The following WWOX variants were observed in gnomAD, a reference collection of about 807,000 sequenced individuals.
WWOX encodes WW domain-containing oxidoreductase.
WWOX carries 69 observed loss-of-function variants against 46.2 expected under a neutral mutation model. That is an observed-to-expected ratio of 1.49 (90% CI 1.23 to 1.82). The LOEUF is 1.82. Ranked by LOEUF, WWOX falls within the 40% of genes most tolerant of loss-of-function variation. The pLI is 0.00. For missense variants in WWOX, 919 were observed against 542.6 expected, an observed-to-expected ratio of 1.69 and a Z score of -6.89; for synonymous variants, 359 against 202.6, an observed-to-expected ratio of 1.77 and a Z score of -6.56.
intron 8 of WWOX, among the ~76,000 whole-genome samples, chr16:78,699,429 C>T (rs1263672967): frequency 2.0e-5 from 3 of 151,634 alleles, no homozygotes; most frequent in Non-Finnish European, 2.9e-5. Flanking sequence ...CTCCCAGCTA[C>T]TTGGGAGGCT....
rs895510095 is a variant in WWOX, at chr16:79,064,303, A to G, written c.1057-147305A>G. 1.6e-4 allele frequency among the ~76,000 whole-genome samples: 24 copies of G among 152,368 alleles called. No individual in the cohort carries two copies. The Middle Eastern group carries it at 0.014, about 86-fold the overall frequency. Reference sequence around the variant, plus strand: ...AAGACAACCTGGTTGAGAATTTAAGATGATGGTTTAGGGCATAGCTTGTGG... The same window carrying G: ...AAGACAACCTGGTTGAGAATTTAAGGTGATGGTTTAGGGCATAGCTTGTGG... On this transcript the variant is annotated intron_variant, in intron 8 of 8. Coordinates refer to ENST00000566780, the MANE Select transcript of WWOX (RefSeq NM_016373.4).
chr16:78,161,003 T>C (rs928024603), intron 4 of WWOX, among the ~76,000 whole-genome samples: 33 of 152,206 alleles, frequency 2.2e-4, no homozygotes, highest in Admixed American at 2.0e-3. Flanking sequence ...TCTTGGTGGA[T>C]TGAAATTTAC....
intron 8 of WWOX, among the ~76,000 whole-genome samples, chr16:79,073,872 G>C (rs1347388377): frequency 6.6e-6 from 1 of 152,104 alleles, no homozygotes; most frequent in African/African-American, 2.4e-5. Flanking sequence ...GTTCCAGGTA[G>C]TAATTTTAAA....
At chr16:78,908,077 A>G (rs1266157929) in intron 8 of WWOX, among the ~76,000 whole-genome samples, 4 of 152,218 alleles carry the variant, frequency 2.6e-5, no homozygotes, top group African/African-American at 9.6e-5. Flanking sequence ...CCCAAATTGC[A>G]GGATAACAAG....
At chr16:78,688,688 G>A (rs930938464) in intron 8 of WWOX, among the ~76,000 whole-genome samples, 1 of 152,112 alleles carries the variant, frequency 6.6e-6, no homozygotes, top group African/African-American at 2.4e-5. Context: ...TTGGGGAAGG[G>A]GCAAGGGATT....
chr16:78,790,193 G>A (rs1287297810), intron 8 of WWOX, among the ~76,000 whole-genome samples: 1 of 152,100 alleles, frequency 6.6e-6, no homozygotes, highest in Admixed American at 6.5e-5. Flanking sequence ...CTGGAGTGCA[G>A]TGGTGCGATC....
At chr16:78,500,989 C>T (rs1056763500) in intron 8 of WWOX, among the ~76,000 whole-genome samples, 1 of 152,048 alleles carries the variant, frequency 6.6e-6, no homozygotes, top group Non-Finnish European at 1.5e-5. Flanking sequence ...AAAACCCAGC[C>T]AGGGAAATAT....
At chr16:78,585,856 C>CT (rs1311790320) in intron 8 of WWOX, among the ~76,000 whole-genome samples, 2 of 151,938 alleles carry the variant, frequency 1.3e-5, no homozygotes, top group Non-Finnish European at 2.9e-5. Flanking sequence ...CTTCTGGAAT[C>CT]TTTTATTGTC....
chr16:79,136,792 C>T (rs2049989623), intron 8 of WWOX, among the ~76,000 whole-genome samples: 1 of 152,172 alleles, frequency 6.6e-6, no homozygotes, highest in African/African-American at 2.4e-5. Flanking sequence ...ATTCAATAGG[C>T]ACATGCCATG....
chr16:78,789,268 T>C (rs987317559), intron 8 of WWOX, among the ~76,000 whole-genome samples: 2 of 152,226 alleles, frequency 1.3e-5, no homozygotes, highest in Non-Finnish European at 2.9e-5. Flanking sequence ...TTCTCAGACT[T>C]TTATAGTTTT....
rs142851971 is a variant in WWOX at position 78,450,436 on chromosome 16, ACAGT to A, written c.1056+17688_1056+17691del. Among the ~76,000 whole-genome samples, 833 of 152,334 alleles carry A rather than the reference ACAGT, an allele frequency of 5.5e-3. 36 individuals are homozygous for A. In the East Asian group the frequency reaches 0.11, roughly 20 times the overall value. Reference sequence around the variant, plus strand: ...GACTGCTCAAAACAGGGAATAATAAACAGTCAGAGTGTCCAAGTAATCTGAGCTA... The same window carrying A: ...GACTGCTCAAAACAGGGAATAATAAACAGAGTGTCCAAGTAATCTGAGCTA... On this transcript the variant is annotated intron_variant, in intron 8 of 8. Transcript: ENST00000566780.
intron 5 of WWOX, among the ~76,000 whole-genome samples, chr16:78,353,335 A>T (rs540455851): frequency 3.3e-5 from 5 of 152,322 alleles, no homozygotes; most frequent in Admixed American, 2.0e-4. Flanking sequence ...GTGCAGAAAT[A>T]TTGGCCAGAA....
At chr16:78,902,537 G>A (rs1013838610) in intron 8 of WWOX, among the ~76,000 whole-genome samples, 1 of 152,214 alleles carries the variant, frequency 6.6e-6, no homozygotes, top group East Asian at 1.9e-4. Context: ...GCCTTCCCCC[G>A]TGACTGCTGC....
At chr16:79,084,001 C>A (rs1214077396) in intron 8 of WWOX, among the ~76,000 whole-genome samples, 1 of 152,166 alleles carries the variant, frequency 6.6e-6, no homozygotes, top group Non-Finnish European at 1.5e-5. Context: ...TCTGTGGGGG[C>A]TGTTTTGGTT....
At chr16:78,311,204 C>G (rs1210912077) in intron 5 of WWOX, among the ~76,000 whole-genome samples, 1 of 152,102 alleles carries the variant, frequency 6.6e-6, no homozygotes. Context: ...GTCTAGGTGG[C>G]ACAGTGTGGT....
At chr16:79,037,474 A>C (rs1334536976) in intron 8 of WWOX, among the ~76,000 whole-genome samples, 1 of 152,078 alleles carries the variant, frequency 6.6e-6, no homozygotes, top group African/African-American at 2.4e-5. Flanking sequence ...GGGTCTGTGG[A>C]AAGGAAGTTG....
At chr16:78,156,749 T>A (rs1597281703) in intron 4 of WWOX, among the ~76,000 whole-genome samples, 1 of 151,742 alleles carries the variant, frequency 6.6e-6, no homozygotes, top group Non-Finnish European at 1.5e-5. Flanking sequence ...CATGGTGAAA[T>A]CCCGTCTCTA....
chr16:79,021,761 G>C (rs929963481), intron 8 of WWOX, among the ~76,000 whole-genome samples: 1 of 152,196 alleles, frequency 6.6e-6, no homozygotes, highest in African/African-American at 2.4e-5. Flanking sequence ...GGCCATCTGT[G>C]TACACCCCCT....
chr16:79,077,276 G>C (rs946620174), intron 8 of WWOX: 1 of 152,080 alleles, frequency 6.6e-6, no homozygotes, highest in Non-Finnish European at 1.5e-5. Flanking sequence ...AGATCAAACA[G>C]GGCCCCTGCG....
Sources: gnomAD v4.1 joint callset for allele counts (sites outside exome capture counted in the v4.1 genomes callset) on GRCh38, gnomAD v4.1.1 for gene constraint, MANE v1.5 for transcripts, NCBI Gene and HGNC (gene_info 2026-07-23, HGNC 2026-07-21) for gene names.